COG4: variants seen among roughly 807,000 people sequenced by gnomAD.
The protein encoded by COG4 is component of oligomeric golgi complex 4.
COG4 carries 65 observed loss-of-function variants against 95.1 expected under a neutral mutation model. That is an observed-to-expected ratio of 0.68 (90% CI 0.56 to 0.84). COG4 has a LOEUF of 0.84. Ranked by LOEUF, COG4 falls within the 40% of genes least tolerant of loss-of-function variation. The probability of loss-of-function intolerance (pLI) is 0.00; values close to 1 mark genes in which losing one functional copy is unlikely to be tolerated. For missense variants in COG4, 1,045 were observed against 989.1 expected (o/e 1.06, Z -0.76); for synonymous variants, 421 against 374.8 (o/e 1.12, Z -1.42).
intron 8 of COG4, among the ~76,000 whole-genome samples, chr16:70,508,109 C>T (rs926307191): frequency 6.6e-6 from 1 of 151,696 alleles, no homozygotes; most frequent in African/African-American, 2.4e-5. Flanking sequence ...TTAGTAGAGA[C>T]GGGGTTTCAC....
chr16:70,512,091 T>C, intron 5 of COG4, 148 bp downstream of exon 5: 1 of 776,134 alleles, frequency 1.3e-6, no homozygotes. Context: ...AACACATGCA[T>C]CCAGTCCTGC....
intron 1 of COG4, among the ~76,000 whole-genome samples, chr16:70,522,751 T>C (rs1327005706): frequency 2.0e-5 from 3 of 152,144 alleles, no homozygotes. Context: ...TAGAACGTTA[T>C]GAACTGAAAG....
At chr16:70,506,606 AAAAAAAAAAAAC>A (rs1324306367) in intron 8 of COG4, among the ~76,000 whole-genome samples, 6,440 of 74,522 alleles carry the variant, frequency 0.086, 116 homozygotes, top group Non-Finnish European at 0.11. Flanking sequence ...AAAAAAAAAA[AAAAAAAAAAAAC>A]AAAAAAAAAA....
chr16:70,497,600 A>T (rs1035669118), intron 10 of COG4, among the ~76,000 whole-genome samples: 1 of 152,148 alleles, frequency 6.6e-6, no homozygotes, highest in East Asian at 1.9e-4. Flanking sequence ...CCCTGCAGAG[A>T]TCCATTACCT....
rs1329220978 is a variant in COG4 at position 70,480,666 on chromosome 16, C to T, written c.*344G>A. On this transcript the variant is annotated 3_prime_UTR_variant, in exon 19 of 19. Coordinates refer to ENST00000323786, the MANE Select transcript of COG4 (RefSeq NM_015386.3). ...AGGTCCCCAGATGTACCCAAGTTGT[C>T]TAGGACTGGCAGGGGTAGCTTGTTT... The T allele has an allele frequency of 5.7e-6, 2 of 348,722 alleles. No individual in the cohort carries two copies. Among genetic ancestry groups the T allele is most frequent in the African/African-American group, 4.2e-5 (2 of 47,642 alleles). 21.6% of individuals were successfully genotyped at this position (348,722 alleles called of 1,614,324 possible).
rs370997253 is a variant in COG4, at chr16:70,481,501, C to T, written c.2107-14G>A. The T allele has an allele frequency of 3.0e-5, 49 of 1,610,670 alleles. No homozygotes were observed. Among genetic ancestry groups the T allele is most frequent in the Non-Finnish European group, 4.0e-5 (47 of 1,179,984 alleles). On this transcript the variant is annotated splice_polypyrimidine_tract_variant and intron_variant, in intron 17 of 18. Coordinates refer to ENST00000323786, the MANE Select transcript of COG4 (RefSeq NM_015386.3). The stretch of plus-strand genomic sequence containing the variant: ...CAGACCACCCAGCTGCAGGAGAACC[C>T]AAGCCCAGTCACTACTTAGGCCTGG...
At chr16:70,490,272 T>C (rs1402502079) in intron 13 of COG4, 58 bp downstream of exon 13, 6 of 1,342,830 alleles carry the variant, frequency 4.5e-6, no homozygotes, top group Non-Finnish European at 5.4e-6. Context: ...TGTATAGGGC[T>C]CTATCTCAAC....
chr16:70,520,385 G>A (rs963249162), intron 1 of COG4, among the ~76,000 whole-genome samples: 1 of 63,248 alleles, frequency 1.6e-5, no homozygotes, highest in African/African-American at 5.0e-5. Flanking sequence ...GGGGGGGGGG[G>A]GGGGCGGAGC....
At chr16:70,493,550 G>C (rs2049286335) in intron 12 of COG4, among the ~76,000 whole-genome samples, 1 of 152,128 alleles carries the variant, frequency 6.6e-6, no homozygotes, top group Non-Finnish European at 1.5e-5. Context: ...GAGAGTGAAT[G>C]AACATATTCT....
chr16:70,480,734 A>T lies in COG4; in HGVS notation c.*276T>A, dbSNP rs1210860216. On this transcript the variant is annotated 3_prime_UTR_variant, in exon 19 of 19. Transcript: ENST00000323786. ...CAAGAGACTGACCATCCATGCAGAA[A>T]GCTGGCCTGGGCTGCTCGCTGCCTG... 1 of 491,396 alleles carries T rather than the reference A, an allele frequency of 2.0e-6. No homozygotes were observed. The highest frequency in any genetic ancestry group is 2.0e-5 in the African/African-American group (1 of 51,102). The allele number at this position is 491,396 out of a possible 1,614,324, so 30.4% of individuals were successfully genotyped here.
chr16:70,498,994 C>G (rs910498885), intron 9 of COG4, among the ~76,000 whole-genome samples: 1 of 152,148 alleles, frequency 6.6e-6, no homozygotes, highest in African/African-American at 2.4e-5. Context: ...GCGCGAGGAT[C>G]GCTTGGGTCC....
intron 13 of COG4, among the ~76,000 whole-genome samples, chr16:70,489,546 T>G (rs997401805): frequency 2.6e-4 from 40 of 151,234 alleles, no homozygotes; most frequent in East Asian, 5.8e-4. Flanking sequence ...AAAAAAAGTT[T>G]TTTTTTTTTT....
chr16:70,490,334 A>T lies in COG4; in HGVS notation c.1706T>A (p.Leu569Gln), dbSNP rs751229736. The change falls in exon 13 of 19, where the codon CTG becomes CAG. Residue 569 changes from leucine to glutamine, a missense_variant. Physicochemically the swap from Leu to Gln is moderately radical, Grantham distance 113. Coordinates refer to ENST00000323786, the MANE Select transcript of COG4 (RefSeq NM_015386.3). ...GATAGGCAATTTCCCTCGTACCTCCAGTGTCTTCTTCAGAGTGGAGATGTT... is the reference window on the plus strand; with the variant it reads ...GATAGGCAATTTCCCTCGTACCTCCTGTGTCTTCTTCAGAGTGGAGATGTT... Reference protein sequence around the residue: ...SENISTLKKTLESDCTKLFSQ... With the variant: ...SENISTLKKTQESDCTKLFSQ... 6.2e-7 allele frequency: 1 copy of T among 1,613,438 alleles called. No homozygotes were observed. Among genetic ancestry groups the T allele is most frequent in the Non-Finnish European group, 8.5e-7 (1 of 1,179,412 alleles).
At chr16:70,515,384 G>GT (rs565147166) in intron 3 of COG4, among the ~76,000 whole-genome samples, 53 of 151,930 alleles carry the variant, frequency 3.5e-4, no homozygotes, top group African/African-American at 9.2e-4. Context: ...CACTATTAAG[G>GT]TTTTTTTAGA....
Position 70,498,048 on chromosome 16 carries a change from C to T in COG4, c.1203G>A (p.Gln401=), listed in dbSNP as rs1339593986. The change falls in exon 10 of 19, where the codon CAG becomes CAA. Residue 401 remains glutamine (Q), a synonymous_variant. Coordinates refer to ENST00000323786, the MANE Select transcript of COG4 (RefSeq NM_015386.3). ...MASEEVKQEH[Q]KCLDKLLNNC... ...TATTGAGGAGTTTGTCCAGACACTT[C>T]TGGTGCTCTAGGGGACAGCCAAGAA... is the stretch of plus-strand genomic sequence containing the variant. 6.2e-7 allele frequency: 1 copy of T among 1,607,480 alleles called. No homozygotes were observed. The highest frequency in any genetic ancestry group is 2.2e-5 in the East Asian group (1 of 44,868).
chr16:70,520,794 G>A (rs965487387), intron 1 of COG4, among the ~76,000 whole-genome samples: 2 of 152,060 alleles, frequency 1.3e-5, no homozygotes, highest in Admixed American at 6.6e-5. Flanking sequence ...CATTTATTGT[G>A]CAACCTCAAT....
Position 70,519,120 on chromosome 16 carries a change from C to CTTTTTTTTTT in COG4, c.254+519_254+528dup, listed in dbSNP as rs779941972. ...GAGTGGGGCCCTAGGATTTGCATTT[C>CTTTTTTTTTT]TTTTTTTTTTTTTTTTTGAGACGGA... On this transcript the variant is annotated intron_variant, in intron 2 of 18. Coordinates refer to ENST00000323786, the MANE Select transcript of COG4 (RefSeq NM_015386.3). Among the ~76,000 whole-genome samples, 38 of 87,818 alleles carry CTTTTTTTTTT rather than the reference C, an allele frequency of 4.3e-4. 9 individuals carry two copies. The highest frequency in any genetic ancestry group is 3.8e-3 in the African/African-American group (30 of 7,936). The allele number at this position is 87,818 out of a possible 152,430, so 57.6% of individuals were successfully genotyped here. A position where few individuals can be genotyped will look rare whatever the true frequency, so the allele number is the denominator to read the frequency against.
rs150082617 is a variant in COG4 at position 70,486,763 on chromosome 16, G to A, written c.1711-2794C>T. ...TGTAATCCCAGCACTTTGGGAGGCC[G>A]AGGCGGGCAGATCACGAGGTGAAGA... On this transcript the variant is annotated intron_variant, in intron 13 of 18. Coordinates refer to ENST00000323786, the MANE Select transcript of COG4 (RefSeq NM_015386.3). Among the ~76,000 whole-genome samples, 1,004 of 152,118 alleles carry A rather than the reference G, an allele frequency of 6.6e-3. 17 individuals are homozygous for A. The highest frequency in any genetic ancestry group is 0.023 in the African/African-American group (950 of 41,506).
chr16:70,521,862 C>T (rs993795385), intron 1 of COG4, among the ~76,000 whole-genome samples: 9 of 151,162 alleles, frequency 6.0e-5, no homozygotes, highest in Middle Eastern at 3.4e-3. Context: ...CCACCACGCC[C>T]GGCTAATTTT....
Sources: gnomAD v4.1 joint callset for allele counts (sites outside exome capture counted in the v4.1 genomes callset) on GRCh38, gnomAD v4.1.1 for gene constraint, MANE v1.5 for transcripts, NCBI Gene and HGNC (gene_info 2026-07-23, HGNC 2026-07-21) for gene names.